Variants in RRP1B observed in about 807,000 individuals in gnomAD.
RRP1B encodes the protein ribosomal RNA processing protein 1 homolog B.
RRP1B carries 56 observed loss-of-function variants against 80.2 expected under a neutral mutation model. The observed-to-expected ratio is 0.70, with a 90% confidence interval of 0.56 to 0.87. The LOEUF (loss-of-function observed/expected upper bound fraction) is 0.87. Ranked by LOEUF, RRP1B falls within the 40% of genes least tolerant of loss-of-function variation. The pLI is 0.00. For missense variants in RRP1B, 807 were observed against 939.8 expected, an observed-to-expected ratio of 0.86 and a Z score of 1.85; for synonymous variants, 351 against 357.6, an observed-to-expected ratio of 0.98 and a Z score of 0.21.
rs763601591 is a variant in RRP1B, at chr21:43,687,943, G to T, written c.1569G>T (p.Arg523Ser). 2 of 1,613,270 alleles carry T rather than the reference G, an allele frequency of 1.2e-6. No individual in the cohort carries two copies. Among genetic ancestry groups the T allele is most frequent in the South Asian group, 2.2e-5 (2 of 91,088 alleles). The change falls in exon 13 of 16, where the codon AGG becomes AGT. Residue 523 changes from arginine to serine, a missense_variant. Transcript: ENST00000340648. ...CAGGTGGAGCCCAACTCCTAAAAAG[G>T]AAGCGGAAACTTGGAGTTGTGCCCG... ...SPTGGAQLLK[R>S]KRKLGVVPVN... is the part of the protein sequence containing the mutation.
rs538358885 is a variant in RRP1B, at chr21:43,668,529, G to A, written c.131-1355G>A. On this transcript the variant is annotated intron_variant, in intron 1 of 15. Transcript: ENST00000340648. ...ACTATAGGCGCCCGCCACCATACCC[G>A]GCTAATTTTTTTTGTATTTTTAGTA... 3.1e-3 allele frequency among the ~76,000 whole-genome samples: 464 copies of A among 151,816 alleles called. 2 individuals carry two copies. Among genetic ancestry groups the A allele is most frequent in the Middle Eastern group, 0.017 (5 of 294 alleles).
intron 8 of RRP1B, among the ~76,000 whole-genome samples, chr21:43,681,137 A>G (rs992293935): frequency 6.6e-6 from 1 of 151,964 alleles, no homozygotes; most frequent in South Asian, 2.1e-4. Context: ...GCTACTTGGG[A>G]GGCTGAGGTG....
At chr21:43,677,106 G>T (rs963734611) in intron 8 of RRP1B, among the ~76,000 whole-genome samples, 192 bp downstream of exon 8, 1 of 152,190 alleles carries the variant, frequency 6.6e-6, no homozygotes, top group Non-Finnish European at 1.5e-5. Context: ...GCTCTGGGGA[G>T]ACCTGAGATC....
intron 1 of RRP1B, among the ~76,000 whole-genome samples, chr21:43,661,804 G>A (rs944614168): frequency 6.6e-6 from 1 of 152,114 alleles, no homozygotes; most frequent in Non-Finnish European, 1.5e-5. Context: ...CAACAGAATC[G>A]GTGATGGTTC....
chr21:43,670,392 G>A (rs1052148046), intron 2 of RRP1B, among the ~76,000 whole-genome samples: 1 of 152,236 alleles, frequency 6.6e-6, no homozygotes, highest in East Asian at 1.9e-4. Context: ...AGCGCTCAGC[G>A]AAAGCCTCCC....
At position 43,669,774 on chromosome 21, in the gene RRP1B, A is replaced by T. The variant is rs995022863; in HGVS notation, c.131-110A>T. The T allele has an allele frequency of 4.2e-6, 3 of 711,388 alleles. No individual in the cohort carries two copies. In the Admixed American group the frequency reaches 7.9e-5, roughly 19 times the overall value. 44.1% of individuals were successfully genotyped at this position (711,388 alleles called of 1,614,324 possible). ...AAATGTTTGCTTCAATTTTTTAAAAAGACGTGCAAACGAAAGAGAATTAAA... is the reference window on the plus strand; with the variant it reads ...AAATGTTTGCTTCAATTTTTTAAAATGACGTGCAAACGAAAGAGAATTAAA... On this transcript the variant is annotated intron_variant, in intron 1 of 15. Coordinates refer to ENST00000340648, the MANE Select transcript of RRP1B (RefSeq NM_015056.3).
In RRP1B at chr21:43,691,368, A is replaced by G. The variant is rs1222100899; in HGVS notation, c.2020-71A>G. On this transcript the variant is annotated intron_variant, in intron 14 of 15. Coordinates refer to ENST00000340648, the MANE Select transcript of RRP1B (RefSeq NM_015056.3). The surrounding 1 kb of genome is among the most constrained non-coding windows in gnomAD (Gnocchi z 4.2). ...GCATACCCTCCAGGGCAGGTTCTCC[A>G]GAAAAATCTGACTAAGCGCCTCCAC... 3.4e-6 allele frequency: 5 copies of G among 1,472,798 alleles called. No individual in the cohort carries two copies. The Admixed American group carries it at 8.5e-5, about 25-fold the overall frequency. The allele number at this position is 1,472,798 out of a possible 1,614,324, so 91.2% of individuals were successfully genotyped here. A position where few individuals can be genotyped will look rare whatever the true frequency, so the allele number is the denominator to read the frequency against.
intron 9 of RRP1B, among the ~76,000 whole-genome samples, chr21:43,683,658 A>T (rs1257771078): frequency 2.0e-5 from 3 of 152,164 alleles, no homozygotes; most frequent in Non-Finnish European, 4.4e-5. Context: ...AAATAAAAAA[A>T]AGTTTGCCAA....
At chr21:43,666,494 G>T (rs549645569) in intron 1 of RRP1B, among the ~76,000 whole-genome samples, 1 of 152,320 alleles carries the variant, frequency 6.6e-6, no homozygotes, top group East Asian at 1.9e-4. Context: ...CAAGGTGGGG[G>T]GATCATGTGG....
chr21:43,670,318 C>T (rs2082994570), intron 2 of RRP1B, among the ~76,000 whole-genome samples: 2 of 152,224 alleles, frequency 1.3e-5, no homozygotes, highest in African/African-American at 4.8e-5. Flanking sequence ...CTAGTCAAGA[C>T]CCTGTGAAAC....
Position 43,674,623 on chromosome 21 carries a change from T to G in RRP1B, c.358-13T>G. ...TTTTTTTTTTTTTTTAAACAAAAAT[T>G]GCCTTTCTTTAGCTGATTCGTCTGG... On this transcript the variant is annotated splice_polypyrimidine_tract_variant and intron_variant, in intron 4 of 15. Transcript: ENST00000340648. 9.2e-7 allele frequency: 1 copy of G among 1,081,680 alleles called. No individual in the cohort carries two copies. The highest frequency in any genetic ancestry group is 1.7e-5 in the South Asian group (1 of 58,326). 67.0% of individuals were successfully genotyped at this position (1,081,680 alleles called of 1,614,324 possible). A position where few individuals can be genotyped will look rare whatever the true frequency, so the allele number is the denominator to read the frequency against.
rs780107493 is a variant in RRP1B at position 43,685,819 on chromosome 21, G to A, written c.1009+30G>A. ...GGCGCGCCAAGAATCATCATTCATG[G>A]TGTTTTTCGTGAATATGGACCCCAC... On this transcript the variant is annotated intron_variant, in intron 11 of 15. Coordinates refer to ENST00000340648, the MANE Select transcript of RRP1B (RefSeq NM_015056.3). The A allele has an allele frequency of 8.2e-6, 13 of 1,588,798 alleles. No homozygotes were observed. The East Asian group carries it at 2.7e-4, about 33-fold the overall frequency.
chr21:43,678,611 C>T (rs1437646049), intron 8 of RRP1B, among the ~76,000 whole-genome samples: 1 of 152,108 alleles, frequency 6.6e-6, no homozygotes, highest in Non-Finnish European at 1.5e-5. Flanking sequence ...CCTTAGCCCA[C>T]TTTTTGATGG....
Position 43,691,447 on chromosome 21 carries a change from G to T in RRP1B, c.2028G>T (p.Lys676Asn). The T allele has an allele frequency of 6.2e-7, 1 of 1,613,958 alleles. No individual in the cohort carries two copies. The highest frequency in any genetic ancestry group is 1.1e-5 in the South Asian group (1 of 91,064). The change falls in exon 15 of 16, where the codon AAG becomes AAT. Residue 676 changes from lysine (K) to asparagine (N), a missense_variant. Physicochemically the swap from Lys to Asn is moderately conservative, Grantham distance 94. Coordinates refer to ENST00000340648, the MANE Select transcript of RRP1B (RefSeq NM_015056.3). This position sits in a 1 kb window ranked among gnomAD's most constrained non-coding sequence, Gnocchi z 4.2. The part of the protein sequence containing the change: ...HPPGPAVQLN[K>N]TPSSSKKVTF... ...TTATTTCTCTTCTGCAGCTAAACAAGACACCATCCAGCTCCAAGAAAGTCA... is the reference window on the plus strand; with the variant it reads ...TTATTTCTCTTCTGCAGCTAAACAATACACCATCCAGCTCCAAGAAAGTCA...
intron 1 of RRP1B, among the ~76,000 whole-genome samples, chr21:43,663,104 G>A (rs1013886040): frequency 7.9e-5 from 12 of 152,196 alleles, no homozygotes; most frequent in African/African-American, 2.9e-4. Context: ...AGTTGTGGAT[G>A]TTCTGACACT....
At chr21:43,689,784 AGC>A (rs762907548) in intron 13 of RRP1B, among the ~76,000 whole-genome samples, 1 of 152,236 alleles carries the variant, frequency 6.6e-6, no homozygotes, top group Non-Finnish European at 1.5e-5. Flanking sequence ...GTGTGTCGGC[AGC>A]GGCACTGGGC....
chr21:43,678,644 T>C (rs1432139011), intron 8 of RRP1B, among the ~76,000 whole-genome samples: 1 of 152,222 alleles, frequency 6.6e-6, no homozygotes, highest in Non-Finnish European at 1.5e-5. Flanking sequence ...CTTGCTGATT[T>C]GTTTGAGTTC....
At chr21:43,662,947 T>C (rs917703198) in intron 1 of RRP1B, among the ~76,000 whole-genome samples, 1 of 152,270 alleles carries the variant, frequency 6.6e-6, no homozygotes, top group Non-Finnish European at 1.5e-5. Flanking sequence ...TTCATTTGTA[T>C]CATTGCTTTC....
At position 43,673,951 on chromosome 21, in the gene RRP1B, A is replaced by G. The variant is rs898619946; in HGVS notation, c.353A>G (p.Tyr118Cys). 1.4e-5 allele frequency: 23 copies of G among 1,606,854 alleles called. No homozygotes were observed. The highest frequency in any genetic ancestry group is 2.7e-5 in the African/African-American group (2 of 74,716). Reference sequence around the variant, plus strand: ...GACAGGCTACGCCTGGACAAATACTATATGGTAAGATCTGCCGCAGTTACT... The same window carrying G: ...GACAGGCTACGCCTGGACAAATACTGTATGGTAAGATCTGCCGCAGTTACT... ...GIDRLRLDKY[Y>C]MLIRLVLRQS... The change falls in exon 4 of 16, where the codon TAT becomes TGT. Residue 118 changes from tyrosine (Y) to cysteine (C), a missense_variant. Physicochemically the swap from Tyr to Cys is radical, Grantham distance 194. Coordinates refer to ENST00000340648, the MANE Select transcript of RRP1B (RefSeq NM_015056.3).
Sources: allele counts gnomAD v4.1 joint callset (sites outside exome capture counted in the v4.1 genomes callset), GRCh38; gene constraint gnomAD v4.1.1; non-coding constraint Gnocchi (gnomAD v3.1); transcripts MANE v1.5; gene names NCBI Gene and HGNC (gene_info 2026-07-23, HGNC 2026-07-21).